The following ELFN1 variants were observed in gnomAD, a reference collection of about 807,000 sequenced individuals.
ELFN1 encodes the protein protein ELFN1.
In ELFN1, 6 loss-of-function variants were observed where a neutral mutation model predicts 7.6. The observed-to-expected ratio is 0.79, with a 90% CI of 0.43 to 1.56. The LOEUF (loss-of-function observed/expected upper bound fraction) is 1.56, where lower values mean the gene tolerates loss of function less well. ELFN1 is among the 40% of genes most tolerant of loss of function. The pLI, the probability that ELFN1 is intolerant of heterozygous loss-of-function variation, is 0.01. For missense variants in ELFN1, 1,169 were observed against 1,232.2 expected, an observed-to-expected ratio of 0.95 and a Z score of 0.77; for synonymous variants, 657 against 588.1, an observed-to-expected ratio of 1.12 and a Z score of -1.70.
At chr7:1,666,857 C>T (rs1470696086), upstream of ELFN1, among the ~76,000 whole-genome samples, 4 of 151,804 alleles carry the variant, frequency 2.6e-5, no homozygotes, top group Non-Finnish European at 4.4e-5. The surrounding 1 kb of genome is among the most constrained non-coding windows in gnomAD (Gnocchi z 7.9). Flanking sequence ...ACGGGACCCC[C>T]GCCCCCACCC....
chr7:1,675,722 C>G (rs1488264431), intron 1 of ELFN1, among the ~76,000 whole-genome samples: 2 of 152,224 alleles, frequency 1.3e-5, no homozygotes, highest in East Asian at 3.9e-4. Flanking sequence ...TTGCAGAGCA[C>G]ACAGTGAGGC....
chr7:1,698,324 G>A (rs914445429), intron 2 of ELFN1, among the ~76,000 whole-genome samples: 2 of 152,142 alleles, frequency 1.3e-5, no homozygotes, highest in African/African-American at 4.8e-5. Flanking sequence ...CCCTTTTGTG[G>A]CAATTTTCTT....
Position 1,695,237 on chromosome 7 carries a change from C to A in ELFN1, c.-456+7087C>A, listed in dbSNP as rs574680022. Among the ~76,000 whole-genome samples the A allele has an allele frequency of 6.6e-6, 1 of 152,318 alleles. No homozygotes were observed. Among genetic ancestry groups the A allele is most frequent in the South Asian group, 2.1e-4 (1 of 4,828 alleles). ...CAGGACCCTGCTCCTGCCTGAGAAC[C>A]CCAGGAAGTAGTAGCGTGCCAGGTG... On this transcript the variant is annotated intron_variant, in intron 2 of 3. Coordinates refer to ENST00000424383, the MANE Select transcript of ELFN1 (RefSeq NM_001128636.4). The surrounding 1 kb of genome is among the most constrained non-coding windows in gnomAD (Gnocchi z 5.1).
chr7:1,693,375 C>T (rs1005603531), intron 2 of ELFN1: 8 of 470,356 alleles, frequency 1.7e-5, no homozygotes, highest in African/African-American at 1.0e-4. Context: ...TGTGCCTGGA[C>T]AGCCGTGTAC....
intron 3 of ELFN1, among the ~76,000 whole-genome samples, chr7:1,718,078 T>A (rs1363219413): frequency 1.3e-5 from 2 of 152,190 alleles, no homozygotes; most frequent in Non-Finnish European, 2.9e-5. Flanking sequence ...GCAGTTTCCA[T>A]GTCTGGAACC....
In ELFN1 at chr7:1,739,392, T is replaced by G. The variant is rs1323544899; in HGVS notation, c.-293-4912T>G. 1 of 152,382 alleles carries G rather than the reference T, an allele frequency of 6.6e-6. No individual in the cohort carries two copies. The highest frequency in any genetic ancestry group is 1.9e-4 in the East Asian group (1 of 5,184). The allele number at this position is 152,382 out of a possible 1,614,324, so 9.4% of individuals were successfully genotyped here. ...AAAGAGAGGAGTCCAGAATGCGGCG[T>G]CAACTTTTGGTGTAGGAATGTGGCG... is the stretch of plus-strand genomic sequence containing the variant. On this transcript the variant is annotated intron_variant, in intron 3 of 3. Coordinates refer to ENST00000424383, the MANE Select transcript of ELFN1 (RefSeq NM_001128636.4). This position sits in a 1 kb window ranked among gnomAD's most constrained non-coding sequence, Gnocchi z 4.6.
chr7:1,723,475 T>C (rs1162907507), intron 3 of ELFN1, among the ~76,000 whole-genome samples: 3 of 152,262 alleles, frequency 2.0e-5, no homozygotes, highest in African/African-American at 7.2e-5. Flanking sequence ...GGATCCACTC[T>C]GTGCACATGG....
At chr7:1,734,494 TC>T (rs1160302409) in intron 3 of ELFN1, among the ~76,000 whole-genome samples, 1 of 152,052 alleles carries the variant, frequency 6.6e-6, no homozygotes, top group Non-Finnish European at 1.5e-5. Context: ...GCCTGGTGTA[TC>T]CCAGGAGGCA....
At chr7:1,672,971 G>A (rs980261246) in intron 1 of ELFN1, among the ~76,000 whole-genome samples, 17 of 152,258 alleles carry the variant, frequency 1.1e-4, no homozygotes, top group South Asian at 1.0e-3. Flanking sequence ...AGTGACAGGC[G>A]AGAGATAGAT....
rs990401197 is a variant in ELFN1 at position 1,673,554 on chromosome 7, A to C, written c.-549+3200A>C. Among the ~76,000 whole-genome samples the C allele has an allele frequency of 6.9e-6, 1 of 144,768 alleles. No individual in the cohort carries two copies. The highest frequency in any genetic ancestry group is 2.5e-5 in the African/African-American group (1 of 39,924). The allele number at this position is 144,768 out of a possible 152,430, so 95.0% of individuals were successfully genotyped here. Reference sequence around the variant, plus strand: ...GTGGATTGAGACCTGGTTCTGTCCCACCTCTTCCAGCCTCCTGGGGAGGGA... The same window carrying C: ...GTGGATTGAGACCTGGTTCTGTCCCCCCTCTTCCAGCCTCCTGGGGAGGGA... On this transcript the variant is annotated intron_variant, in intron 1 of 3. Coordinates refer to ENST00000424383, the MANE Select transcript of ELFN1 (RefSeq NM_001128636.4). This position sits in a 1 kb window ranked among gnomAD's most constrained non-coding sequence, Gnocchi z 4.7.
chr7:1,688,796 C>T (rs1779104425), intron 2 of ELFN1, among the ~76,000 whole-genome samples: 1 of 152,056 alleles, frequency 6.6e-6, no homozygotes, highest in Non-Finnish European at 1.5e-5. Context: ...CAGAAAAGTC[C>T]CATCCCACAA....
chr7:1,717,822 C>T lies in ELFN1; in HGVS notation c.-294+8570C>T, dbSNP rs75562254. 1.9e-4 allele frequency among the ~76,000 whole-genome samples: 29 copies of T among 152,190 alleles called. No homozygotes were observed. The East Asian group carries it at 5.0e-3, about 26-fold the overall frequency. ...CAGGGTGGGCATGTCAGGGACAGGT[C>T]GCAGGGGAGGAGGAAGTTGTAGTCC... On this transcript the variant is annotated intron_variant, in intron 3 of 3. Transcript: ENST00000424383.
At chr7:1,666,907 C>T (rs1393763495), upstream of ELFN1, among the ~76,000 whole-genome samples, 1 of 151,796 alleles carries the variant, frequency 6.6e-6, no homozygotes, top group East Asian at 2.0e-4. The surrounding 1 kb of genome is among the most constrained non-coding windows in gnomAD (Gnocchi z 7.9). Flanking sequence ...GCGGAGCTCC[C>T]GGGAAGGACC....
intron 2 of ELFN1, chr7:1,693,225 G>A (rs1200197445): frequency 4.7e-5 from 19 of 407,208 alleles, no homozygotes; most frequent in Middle Eastern, 3.7e-4. Flanking sequence ...GTTCATGGCC[G>A]CGTGGACACC....
Position 1,745,422 on chromosome 7 carries a change from C to T in ELFN1, c.826C>T (p.Pro276Ser), listed in dbSNP as rs1434570938. 1 of 1,539,208 alleles carries T rather than the reference C, an allele frequency of 6.5e-7. No homozygotes were observed. Among genetic ancestry groups the T allele is most frequent in the Non-Finnish European group, 8.7e-7 (1 of 1,146,130 alleles). ...CGGGCGCTCACAGCCGGGCCGCTCC[C>T]CGCCGCCCCCGCCTCCGCCGGAGCC... ...ASGRSQPGRS[P>S]PPPPPPEPSD... Residue 276 changes from proline (P) to serine (S), a missense_variant, in exon 4 of 4, where the codon CCG becomes TCG. By Grantham distance (74) the Pro-to-Ser change is moderately conservative. Coordinates refer to ENST00000424383, the MANE Select transcript of ELFN1 (RefSeq NM_001128636.4).
chr7:1,715,524 C>T lies in ELFN1; in HGVS notation c.-294+6272C>T, dbSNP rs76727540. Among the ~76,000 whole-genome samples, 28 of 152,336 alleles carry T rather than the reference C, an allele frequency of 1.8e-4. No individual in the cohort carries two copies. The East Asian group carries it at 5.4e-3, about 29-fold the overall frequency. On this transcript the variant is annotated intron_variant, in intron 3 of 3. Transcript: ENST00000424383. ...AAGGGAGCTATTCCTTTCCCCTCCC[C>T]AGCACCTGGGTCTCCTGCCCACTTC... is the stretch of plus-strand genomic sequence containing the variant.
chr7:1,677,821 G>A (rs1475982778), intron 1 of ELFN1, among the ~76,000 whole-genome samples: 5 of 152,032 alleles, frequency 3.3e-5, no homozygotes, highest in Non-Finnish European at 7.4e-5. Context: ...GAGGCTCTGA[G>A]ATGCAGGGAG....
In ELFN1 at chr7:1,747,686, T is replaced by C. The variant is rs1284204240; in HGVS notation, c.*603T>C. The C allele has an allele frequency of 6.1e-6, 1 of 164,554 alleles. No individual in the cohort carries two copies. Among genetic ancestry groups the C allele is most frequent in the East Asian group, 1.9e-4 (1 of 5,152 alleles). 10.2% of individuals were successfully genotyped at this position (164,554 alleles called of 1,614,324 possible). ...GCCAAGTGGCCTCCGGGACAGGTCC[T>C]GGAGCCCTGCTGGACTCAGGGTGGG... On this transcript the variant is annotated 3_prime_UTR_variant, in exon 4 of 4. Coordinates refer to ENST00000424383, the MANE Select transcript of ELFN1 (RefSeq NM_001128636.4).
chr7:1,672,714 C>G (rs1466505945), intron 1 of ELFN1, among the ~76,000 whole-genome samples: 1 of 152,078 alleles, frequency 6.6e-6, no homozygotes, highest in Non-Finnish European at 1.5e-5. Context: ...GTCAGAGCCC[C>G]CACCCCAGGA....
Sources: allele counts gnomAD v4.1 joint callset (sites outside exome capture counted in the v4.1 genomes callset), GRCh38; gene constraint gnomAD v4.1.1; non-coding constraint Gnocchi (gnomAD v3.1); transcripts MANE v1.5; gene names NCBI Gene and HGNC (gene_info 2026-07-23, HGNC 2026-07-21).